The following DRC11 variants were observed in gnomAD, a reference collection of about 807,000 sequenced individuals.
The protein encoded by DRC11 is IQ and AAA domain-containing protein 1.
chr2:236,417,864 T>C, the DRC11 span, among the ~76,000 whole-genome samples: 1 of 152,156 alleles, frequency 6.6e-6, no homozygotes, highest in Non-Finnish European at 1.5e-5. Flanking sequence ...TTGCTGAGGA[T>C]GATAGTTTTC....
chr2:236,438,604 C>A, the DRC11 span, among the ~76,000 whole-genome samples: 20 of 152,098 alleles, frequency 1.3e-4, 1 homozygote, highest in African/African-American at 4.1e-4. Context: ...TTGTTTGTAT[C>A]CTCTTTTATT....
chr2:236,342,400 C>A, the DRC11 span, among the ~76,000 whole-genome samples: 2 of 152,202 alleles, frequency 1.3e-5, no homozygotes, highest in Non-Finnish European at 2.9e-5. This position sits in a 1 kb window ranked among gnomAD's most constrained non-coding sequence, Gnocchi z 5.8. Context: ...CTCTGCTGCC[C>A]TTGGCTTTTG....
At chr2:236,357,447 TAA>T in the DRC11 span, among the ~76,000 whole-genome samples, 1 of 126,556 alleles carries the variant, frequency 7.9e-6, no homozygotes, top group South Asian at 2.3e-4. Context: ...TGTATATTTA[TAA>T]ATTATATATA....
the DRC11 span, among the ~76,000 whole-genome samples, chr2:236,504,005 T>G: frequency 6.6e-6 from 1 of 152,168 alleles, no homozygotes; most frequent in Non-Finnish European, 1.5e-5. The surrounding 1 kb of genome is among the most constrained non-coding windows in gnomAD (Gnocchi z 5.0). Flanking sequence ...TACAATTCAG[T>G]GGTTTTCAGC....
At chr2:236,358,697 C>G in the DRC11 span, among the ~76,000 whole-genome samples, 379 of 147,862 alleles carry the variant, frequency 2.6e-3, 3 homozygotes, top group African/African-American at 7.2e-3. Context: ...TTAACTGCAT[C>G]AAAGCTCTGA....
the DRC11 span, among the ~76,000 whole-genome samples, chr2:236,436,488 A>G: frequency 6.6e-6 from 1 of 152,158 alleles, no homozygotes; most frequent in Non-Finnish European, 1.5e-5. Context: ...GTAAATATTT[A>G]ATTCATCTGA....
At chr2:236,490,979 C>T in the DRC11 span, among the ~76,000 whole-genome samples, 1 of 136,000 alleles carries the variant, frequency 7.4e-6, no homozygotes, top group Non-Finnish European at 1.6e-5. This position sits in a 1 kb window ranked among gnomAD's most constrained non-coding sequence, Gnocchi z 5.5. Context: ...TATATATATA[C>T]AGTATATACC....
the DRC11 span, among the ~76,000 whole-genome samples, chr2:236,416,741 ATATATATATATATATATATATAT>A: frequency 1.8e-5 from 1 of 55,980 alleles, no homozygotes; most frequent in Non-Finnish European, 3.8e-5. Context: ...ATATATATAT[ATATATATATATATATATATATAT>A]ATATAAATAA....
At chr2:236,446,971 C>T in the DRC11 span, among the ~76,000 whole-genome samples, 1 of 148,700 alleles carries the variant, frequency 6.7e-6, no homozygotes, top group Non-Finnish European at 1.5e-5. This position sits in a 1 kb window ranked among gnomAD's most constrained non-coding sequence, Gnocchi z 6.2. Flanking sequence ...ACCCTCTCCT[C>T]CTTCTGTGCC....
At chr2:236,486,740 T>G in the DRC11 span, 1 of 875,672 alleles carries the variant, frequency 1.1e-6, no homozygotes, top group Non-Finnish European at 1.8e-6. This position sits in a 1 kb window ranked among gnomAD's most constrained non-coding sequence, Gnocchi z 5.7. Flanking sequence ...TCTTTCTTTC[T>G]TCCCTCAAAA....
At chr2:236,352,064 CAG>C in the DRC11 span, among the ~76,000 whole-genome samples, 7 of 152,236 alleles carry the variant, frequency 4.6e-5, no homozygotes, top group East Asian at 1.4e-3. The surrounding 1 kb of genome is among the most constrained non-coding windows in gnomAD (Gnocchi z 7.0). Context: ...GAGAGGGTGA[CAG>C]AGAGCCCGGG....
the DRC11 span, among the ~76,000 whole-genome samples, chr2:236,323,563 T>A: frequency 6.6e-6 from 1 of 152,214 alleles, no homozygotes; most frequent in African/African-American, 2.4e-5. This position sits in a 1 kb window ranked among gnomAD's most constrained non-coding sequence, Gnocchi z 6.4. Flanking sequence ...GGGGGTGTGC[T>A]GGTGGCCAGA....
the DRC11 span, among the ~76,000 whole-genome samples, chr2:236,380,016 G>A: frequency 6.6e-6 from 1 of 152,376 alleles, no homozygotes; most frequent in Non-Finnish European, 1.5e-5. The surrounding 1 kb of genome is among the most constrained non-coding windows in gnomAD (Gnocchi z 4.9). Context: ...TAAATTCCTT[G>A]ATAATATTTG....
the DRC11 span, among the ~76,000 whole-genome samples, chr2:236,471,377 AG>A: frequency 2.0e-5 from 3 of 152,196 alleles, no homozygotes; most frequent in African/African-American, 7.2e-5. The surrounding 1 kb of genome is among the most constrained non-coding windows in gnomAD (Gnocchi z 4.6). Flanking sequence ...CCTTGCAAAG[AG>A]GTTGGACTAT....
At chr2:236,351,169 G>A in the DRC11 span, among the ~76,000 whole-genome samples, 1 of 152,180 alleles carries the variant, frequency 6.6e-6, no homozygotes, top group East Asian at 1.9e-4. This position sits in a 1 kb window ranked among gnomAD's most constrained non-coding sequence, Gnocchi z 7.3. Context: ...ACTGTGCTAG[G>A]TGCCAGGGTC....
At chr2:236,441,269 T>C in the DRC11 span, 3,632 of 628,828 alleles carry the variant, frequency 5.8e-3, 104 homozygotes, top group African/African-American at 0.061. Flanking sequence ...GCATGGTGTC[T>C]TGAAGAAACT....
chr2:236,439,191 T>C, the DRC11 span, among the ~76,000 whole-genome samples: 7 of 151,146 alleles, frequency 4.6e-5, no homozygotes, highest in Non-Finnish European at 1.0e-4. Context: ...ATTCAAAAGC[T>C]AGCAGAAGGC....
chr2:236,426,990 AGTTT>A, the DRC11 span, among the ~76,000 whole-genome samples: 1 of 152,146 alleles, frequency 6.6e-6, no homozygotes, highest in Non-Finnish European at 1.5e-5. This position sits in a 1 kb window ranked among gnomAD's most constrained non-coding sequence, Gnocchi z 4.1. Context: ...ATTATGAAAG[AGTTT>A]TGAATTTTGC....
At chr2:236,358,050 G>C in the DRC11 span, among the ~76,000 whole-genome samples, 1 of 113,672 alleles carries the variant, frequency 8.8e-6, no homozygotes, top group Non-Finnish European at 1.6e-5. Flanking sequence ...ATAATATATA[G>C]ATATATATTA....
Sources: allele counts gnomAD v4.1 joint callset (sites outside exome capture counted in the v4.1 genomes callset), GRCh38; gene constraint gnomAD v4.1.1; non-coding constraint Gnocchi (gnomAD v3.1); transcripts MANE v1.5; gene names NCBI Gene and HGNC (gene_info 2026-07-23, HGNC 2026-07-21).